The following SYNE1 variants were observed in gnomAD, a reference collection of about 807,000 sequenced individuals.
SYNE1 encodes nesprin-1.
In SYNE1, 616 loss-of-function variants were observed where a neutral mutation model predicts 1,111.0. The ratio of observed to expected loss-of-function variants is 0.55; its 90% CI spans 0.52 to 0.59. The LOEUF is 0.59. SYNE1 is among the 20% of genes least tolerant of loss of function. The pLI, the probability that SYNE1 is intolerant of heterozygous loss-of-function variation, is 0.00. For missense variants in SYNE1, 10,006 were observed against 10,417.0 expected, an observed-to-expected ratio of 0.96 and a Z score of 1.72; for synonymous variants, 3,855 against 3,825.8, an observed-to-expected ratio of 1.01 and a Z score of -0.28.
Position 152,419,518 on chromosome 6 carries a change from T to A in SYNE1, c.5421+51A>T, listed in dbSNP as rs574694796. ...TGCATCTCTTTTTAATTCAAGAACT[T>A]TTTTATGAAGAAATTCTTCTTCAAT... On this transcript the variant is annotated intron_variant, in intron 40 of 145. Coordinates refer to ENST00000367255, the MANE Select transcript of SYNE1 (RefSeq NM_182961.4). 1.9e-6 allele frequency: 3 copies of A among 1,561,268 alleles called. No individual in the cohort carries two copies. In the Admixed American group the frequency reaches 5.9e-5, roughly 30 times the overall value.
intron 27 of SYNE1, 66 bp downstream of exon 27, chr6:152,450,559 C>G: frequency 7.6e-7 from 1 of 1,313,698 alleles, no homozygotes; most frequent in South Asian, 1.2e-5. Flanking sequence ...CTTGTTTTGT[C>G]ATGATCTCCG....
intron 124 of SYNE1, among the ~76,000 whole-genome samples, chr6:152,210,366 T>C (rs2077309437): frequency 6.6e-6 from 1 of 152,224 alleles, no homozygotes; most frequent in South Asian, 2.1e-4. Context: ...TAGAGTTGGC[T>C]AAGAAATGAT....
At chr6:152,423,508 G>A (rs1563912823) in intron 39 of SYNE1, among the ~76,000 whole-genome samples, 1 of 152,036 alleles carries the variant, frequency 6.6e-6, no homozygotes, top group Non-Finnish European at 1.5e-5. Context: ...CTCTCATCCT[G>A]GTCTAAACCT....
intron 145 of SYNE1, chr6:152,129,586 C>A (rs2054773251): frequency 6.7e-6 from 1 of 148,816 alleles, no homozygotes. Context: ...AAATTGTCTT[C>A]AAACCAAACC....
chr6:152,171,686 G>T (rs996456738), intron 130 of SYNE1, among the ~76,000 whole-genome samples: 3 of 152,156 alleles, frequency 2.0e-5, no homozygotes, highest in African/African-American at 7.2e-5. Context: ...AGGAACGCTT[G>T]TGTACTTGCA....
At position 152,133,549 on chromosome 6, in the gene SYNE1, A is replaced by G; in HGVS notation, c.25789-61T>C. The G allele has an allele frequency of 3.9e-6, 6 of 1,520,560 alleles. No individual in the cohort carries two copies. The South Asian group carries it at 5.8e-5, about 15-fold the overall frequency. The allele number at this position is 1,520,560 out of a possible 1,614,324, so 94.2% of individuals were successfully genotyped here. On this transcript the variant is annotated intron_variant, in intron 142 of 145. Coordinates refer to ENST00000367255, the MANE Select transcript of SYNE1 (RefSeq NM_182961.4). ...TTTTTGATAATTGGCAAAAGCTCCA[A>G]AAGTGCAGAATGCAATCAACTTAAC...
chr6:152,373,328 G>GA, intron 58 of SYNE1, 109 bp from the exon 59 acceptor site: 1 of 1,030,780 alleles, frequency 9.7e-7, no homozygotes, highest in Non-Finnish European at 1.4e-6. Flanking sequence ...CACTCAGGCT[G>GA]GAGTGCAGTA....
chr6:152,450,333 G>A (rs565685633), intron 27 of SYNE1, among the ~76,000 whole-genome samples: 17 of 152,168 alleles, frequency 1.1e-4, no homozygotes, highest in South Asian at 2.1e-4. Flanking sequence ...TATAAATTAC[G>A]CAGTCTCAGG....
At chr6:152,538,702 G>A (rs139976646) in intron 4 of SYNE1, among the ~76,000 whole-genome samples, 159 of 151,114 alleles carry the variant, frequency 1.1e-3, no homozygotes, top group African/African-American at 3.3e-3. Context: ...TGGGACCAAC[G>A]GAAGCTTTAA....
chr6:152,507,961 C>A (rs2099066782), intron 8 of SYNE1, among the ~76,000 whole-genome samples: 1 of 152,122 alleles, frequency 6.6e-6, no homozygotes, highest in African/African-American at 2.4e-5. Context: ...GATAACTAGT[C>A]TAGTGTTTAC....
chr6:152,433,643 C>A, intron 34 of SYNE1, 152 bp downstream of exon 34: 2 of 871,132 alleles, frequency 2.3e-6, no homozygotes, highest in Non-Finnish European at 1.8e-6. Context: ...TTAATCCAGA[C>A]CTCTTAGCTT....
chr6:152,267,667 C>A (rs1225075689), intron 100 of SYNE1, among the ~76,000 whole-genome samples: 1 of 152,192 alleles, frequency 6.6e-6, no homozygotes, highest in South Asian at 2.1e-4. Flanking sequence ...CGGGCCCCTG[C>A]ATTTATTTTT....
rs904562960 is a variant in SYNE1, at chr6:152,148,041, C to A, written c.24976+4G>T. 4.3e-6 allele frequency: 7 copies of A among 1,613,568 alleles called. No homozygotes were observed. Among genetic ancestry groups the A allele is most frequent in the Non-Finnish European group, 5.9e-6 (7 of 1,179,872 alleles). On this transcript the variant is annotated splice_donor_region_variant and intron_variant, in intron 137 of 145. Coordinates refer to ENST00000367255, the MANE Select transcript of SYNE1 (RefSeq NM_182961.4). This position sits in a 1 kb window ranked among gnomAD's most constrained non-coding sequence, Gnocchi z 4.1. ...GCTGGCAAACTGGAGAGGCTCTTTCCTACCTGATAAGCCAACAGCTCCCCG... is the reference window on the plus strand; with the variant it reads ...GCTGGCAAACTGGAGAGGCTCTTTCATACCTGATAAGCCAACAGCTCCCCG...
intron 10 of SYNE1, among the ~76,000 whole-genome samples, chr6:152,501,427 G>A (rs989546231): frequency 3.3e-5 from 5 of 151,992 alleles, no homozygotes; most frequent in African/African-American, 1.2e-4. Flanking sequence ...TTTAGCCTAG[G>A]AATTCCACTT....
At chr6:152,320,570 C>A (rs1347874946) in intron 84 of SYNE1, among the ~76,000 whole-genome samples, 1 of 152,056 alleles carries the variant, frequency 6.6e-6, no homozygotes, top group African/African-American at 2.4e-5. Flanking sequence ...CCTATTTTCA[C>A]TACATGAAAT....
chr6:152,596,918 C>G (rs534721335), intron 3 of SYNE1, among the ~76,000 whole-genome samples: 32 of 152,282 alleles, frequency 2.1e-4, no homozygotes, highest in Non-Finnish European at 4.1e-4. Context: ...AAGGCACAAG[C>G]AAAAACTGCT....
intron 95 of SYNE1, among the ~76,000 whole-genome samples, chr6:152,290,629 T>C (rs2094557585): frequency 6.6e-6 from 1 of 152,028 alleles, no homozygotes; most frequent in South Asian, 2.1e-4. Context: ...AATTCAGTAG[T>C]TTAGACAAGT....
At position 152,331,400 on chromosome 6, in the gene SYNE1, C is replaced by T. The variant is rs762245840; in HGVS notation, c.13285G>A (p.Asp4429Asn). ...ERQVIQKALS[D>N]AQSHVNCLSD... ...AGACAATTCACGTGGCTTTGTGCAT[C>T]AGAGAGAGCCTTCTGGATGACCTGT... is the stretch of plus-strand genomic sequence containing the variant. The change falls in exon 78 of 146, where the codon GAT becomes AAT. Residue 4429 changes from aspartate to asparagine, a missense_variant. Asp to Asn is a conservative substitution (Grantham distance 23). Around this residue, in one of 7 missense-constraint regions of SYNE1, gnomAD observed 4,955 missense variants for 5,017.2 expected, o/e 0.99. Transcript: ENST00000367255. 6 of 1,614,164 alleles carry T rather than the reference C, an allele frequency of 3.7e-6. No individual in the cohort carries two copies. The East Asian group carries it at 1.3e-4, about 36-fold the overall frequency.
chr6:152,199,462 C>T (rs1275983516), intron 127 of SYNE1, among the ~76,000 whole-genome samples: 1 of 152,070 alleles, frequency 6.6e-6, no homozygotes, highest in Non-Finnish European at 1.5e-5. Context: ...CAGGATCAGA[C>T]ATTTCTTTAA....
Sources: gnomAD v4.1 joint callset for allele counts (sites outside exome capture counted in the v4.1 genomes callset) on GRCh38, gnomAD v4.1.1 for gene constraint, gnomAD v4.1.1 regional missense constraint, Gnocchi (gnomAD v3.1) non-coding constraint, MANE v1.5 for transcripts, NCBI Gene and HGNC (gene_info 2026-07-23, HGNC 2026-07-21) for gene names.